The following NXPE2 variants were observed in gnomAD, a reference collection of about 807,000 sequenced individuals.
NXPE2 encodes the protein neurexophilin and PC-esterase domain family member 2.
Under a neutral mutation model 34.4 loss-of-function variants are expected in NXPE2, and 34 were observed. The ratio of observed to expected loss-of-function variants is 0.99; its 90% CI spans 0.75 to 1.31. The LOEUF (loss-of-function observed/expected upper bound fraction) is 1.31. NXPE2 is among the 40% of genes most tolerant of loss of function. The pLI, the probability that NXPE2 is intolerant of heterozygous loss-of-function variation, is 0.00. For synonymous variants in NXPE2, 235 were observed against 231.3 expected (o/e 1.02, Z -0.15); for missense variants, 649 against 672.5 (o/e 0.97, Z 0.39).
At chr11:114,536,766 G>T in the NXPE2 span, among the ~76,000 whole-genome samples, 3 of 152,096 alleles carry the variant, frequency 2.0e-5, no homozygotes, top group Admixed American at 6.5e-5. Flanking sequence ...CCAATAACAG[G>T]CTCTGAAATT....
the NXPE2 span, among the ~76,000 whole-genome samples, chr11:114,522,706 G>C: frequency 6.6e-6 from 1 of 152,044 alleles, no homozygotes; most frequent in Admixed American, 6.6e-5. Context: ...TTTAAAAGAA[G>C]ACCAACATTT....
chr11:114,584,128 C>A, the NXPE2 span: 1 of 290,160 alleles, frequency 3.4e-6, no homozygotes, highest in Non-Finnish European at 6.8e-6. Flanking sequence ...AGAGTGTCAA[C>A]CTGCCTATGT....
the NXPE2 span, among the ~76,000 whole-genome samples, chr11:114,794,242 CTT>C: frequency 0.11 from 17,476 of 152,200 alleles, 1,099 homozygotes; most frequent in Admixed American, 0.19. Context: ...TTACCAAAAA[CTT>C]TTCAGTTGCT....
chr11:114,571,515 G>A, the NXPE2 span: 1 of 1,506,870 alleles, frequency 6.6e-7, no homozygotes, highest in Non-Finnish European at 9.0e-7. Flanking sequence ...GGAGGATATA[G>A]TTACCAAGAT....
the NXPE2 span, among the ~76,000 whole-genome samples, chr11:114,625,632 G>T: frequency 6.6e-6 from 1 of 152,162 alleles, no homozygotes; most frequent in Non-Finnish European, 1.5e-5. Context: ...GGTAACTGCT[G>T]TTACCCGGTG....
the NXPE2 span, among the ~76,000 whole-genome samples, chr11:114,625,979 A>C: frequency 1.4e-5 from 2 of 142,950 alleles, no homozygotes; most frequent in Non-Finnish European, 1.5e-5. Context: ...GGCTTAAAAA[A>C]CGGCGCACCA....
the NXPE2 span, among the ~76,000 whole-genome samples, chr11:114,715,020 CAATA>C: frequency 6.6e-6 from 1 of 151,918 alleles, no homozygotes; most frequent in Non-Finnish European, 1.5e-5. Flanking sequence ...GACTCTGTGT[CAATA>C]AATAAATAAA....
chr11:114,613,155 G>A, the NXPE2 span, among the ~76,000 whole-genome samples: 1 of 151,460 alleles, frequency 6.6e-6, no homozygotes, highest in South Asian at 2.1e-4. Flanking sequence ...GATAACGACT[G>A]TTACCCGATG....
the NXPE2 span, among the ~76,000 whole-genome samples, chr11:114,790,362 G>A: frequency 1.7e-4 from 26 of 152,210 alleles, no homozygotes; most frequent in Non-Finnish European, 3.4e-4. Flanking sequence ...TTGGGAAGAC[G>A]CACACTATAC....
At chr11:114,534,612 C>T in the NXPE2 span, among the ~76,000 whole-genome samples, 1 of 152,134 alleles carries the variant, frequency 6.6e-6, no homozygotes, top group Non-Finnish European at 1.5e-5. Context: ...AGCTGAAAAC[C>T]ACAGCACGAG....
chr11:114,599,929 AAAATCTATGAGTTCAT>A, the NXPE2 span, among the ~76,000 whole-genome samples: 2 of 152,182 alleles, frequency 1.3e-5, no homozygotes, highest in Non-Finnish European at 2.9e-5. Context: ...GGAATTAAAA[AAAATCTATGAGTTCAT>A]ATCTATACAA....
chr11:114,676,428 C>T (rs903406812), upstream of NXPE2, among the ~76,000 whole-genome samples: 1 of 151,598 alleles, frequency 6.6e-6, no homozygotes, highest in African/African-American at 2.4e-5. Context: ...AATGAATAAT[C>T]CAATTAGAAA....
the NXPE2 span, among the ~76,000 whole-genome samples, chr11:114,805,210 AAGGT>A: frequency 6.6e-6 from 1 of 151,496 alleles, no homozygotes; most frequent in Non-Finnish European, 1.5e-5. Flanking sequence ...TTTTTTAAAA[AAGGT>A]AGGGAGGGAG....
At chr11:114,661,698 G>T in the NXPE2 span, among the ~76,000 whole-genome samples, 1 of 152,196 alleles carries the variant, frequency 6.6e-6, no homozygotes, top group Non-Finnish European at 1.5e-5. Flanking sequence ...GCAAGCAAGA[G>T]GGAGAAGAAC....
chr11:114,475,246 T>TGA, the NXPE2 span, among the ~76,000 whole-genome samples: 1 of 83,352 alleles, frequency 1.2e-5, no homozygotes, highest in Non-Finnish European at 2.2e-5. Flanking sequence ...TTTTTTTTTT[T>TGA]TTTTTTTTTT....
the NXPE2 span, among the ~76,000 whole-genome samples, chr11:114,754,933 A>G: frequency 1.3e-5 from 2 of 152,208 alleles, no homozygotes; most frequent in Non-Finnish European, 2.9e-5. Flanking sequence ...ATATTTTAAT[A>G]TTAAACAACC....
chr11:114,603,806 C>G, the NXPE2 span, among the ~76,000 whole-genome samples: 1 of 151,600 alleles, frequency 6.6e-6, no homozygotes, highest in Admixed American at 6.6e-5. Context: ...AGTATTGCCT[C>G]GTCTCCTAGG....
the NXPE2 span, among the ~76,000 whole-genome samples, chr11:114,502,486 C>T: frequency 7.9e-5 from 12 of 152,130 alleles, no homozygotes; most frequent in Admixed American, 2.0e-4. Context: ...GACCCATCCA[C>T]AGAATTTATA....
chr11:114,736,078 A>G, the NXPE2 span, among the ~76,000 whole-genome samples: 3 of 152,186 alleles, frequency 2.0e-5, no homozygotes, highest in South Asian at 2.1e-4. Context: ...GAGATCACAT[A>G]CTTCACAAGG....
Sources: gnomAD v4.1 joint callset for allele counts (sites outside exome capture counted in the v4.1 genomes callset) on GRCh38, gnomAD v4.1.1 for gene constraint, MANE v1.5 for transcripts, NCBI Gene and HGNC (gene_info 2026-07-23, HGNC 2026-07-21) for gene names.